FAM161A: variants seen among roughly 807,000 people sequenced by gnomAD.
FAM161A encodes the protein protein FAM161A.
A neutral mutation model predicts 70.9 loss-of-function variants in FAM161A; 57 were observed. That is an observed-to-expected ratio of 0.80 (90% CI 0.65 to 1.00). The LOEUF is 1.00. Among genes scored for constraint, FAM161A ranks in the 50% least tolerant of loss-of-function variants. The probability of loss-of-function intolerance (pLI) is 0.00; values close to 1 mark genes in which losing one functional copy is unlikely to be tolerated. For missense variants in FAM161A, 880 were observed against 836.0 expected, an observed-to-expected ratio of 1.05 and a Z score of -0.65; for synonymous variants, 299 against 295.7, an observed-to-expected ratio of 1.01 and a Z score of -0.12.
intron 4 of FAM161A, 55 bp from the exon 5 acceptor site, chr2:61,836,164 T>C: frequency 8.3e-7 from 1 of 1,210,998 alleles, no homozygotes; most frequent in South Asian, 1.3e-5. Flanking sequence ...AAATAAGAAC[T>C]TACATATGTA....
intron 3 of FAM161A, among the ~76,000 whole-genome samples, 159 bp downstream of exon 3, chr2:61,839,262 A>C (rs1472523552): frequency 7.0e-6 from 1 of 143,832 alleles, no homozygotes; most frequent in African/African-American, 2.5e-5. Flanking sequence ...ATTTCTTAGA[A>C]TACCCTCTGA....
chr2:61,809,967 CA>C, the FAM161A span, among the ~76,000 whole-genome samples: 1 of 152,154 alleles, frequency 6.6e-6, no homozygotes, highest in Non-Finnish European at 1.5e-5. Context: ...TAGTGTCTAC[CA>C]TCTACCATTG....
At chr2:61,831,851 G>A (rs1157365300) in intron 5 of FAM161A, among the ~76,000 whole-genome samples, 1 of 152,022 alleles carries the variant, frequency 6.6e-6, no homozygotes, top group Non-Finnish European at 1.5e-5. Context: ...GACAACCAAA[G>A]ATAATCTGAG....
chr2:61,835,668 A>G (rs1332539295), intron 5 of FAM161A: 1 of 196,112 alleles, frequency 5.1e-6, no homozygotes, highest in Non-Finnish European at 1.0e-5. Flanking sequence ...TATTTATCAA[A>G]CTTATGTGCT....
chr2:61,813,027 C>T, the FAM161A span, among the ~76,000 whole-genome samples: 1 of 151,998 alleles, frequency 6.6e-6, no homozygotes, highest in Non-Finnish European at 1.5e-5. Flanking sequence ...CATGCCACTG[C>T]ACTCCAGCCT....
chr2:61,818,853 A>G, the FAM161A span, among the ~76,000 whole-genome samples: 9 of 152,214 alleles, frequency 5.9e-5, no homozygotes, highest in African/African-American at 2.2e-4. Context: ...TATCCCCCTG[A>G]CACTACCCGG....
the FAM161A span, among the ~76,000 whole-genome samples, chr2:61,808,014 C>G: frequency 8.7e-4 from 132 of 152,112 alleles, no homozygotes; most frequent in Non-Finnish European, 1.5e-3. Context: ...GAACAGTGTC[C>G]TGGTCTGGGG....
At chr2:61,843,180 G>C (rs912912834) in intron 1 of FAM161A, among the ~76,000 whole-genome samples, 7 of 152,072 alleles carry the variant, frequency 4.6e-5, no homozygotes, top group African/African-American at 1.7e-4. Context: ...GTCTCACTCT[G>C]TCACTCAGGC....
At chr2:61,811,298 A>G in the FAM161A span, among the ~76,000 whole-genome samples, 3 of 152,180 alleles carry the variant, frequency 2.0e-5, no homozygotes, top group Non-Finnish European at 2.9e-5. Context: ...CCTAGGCTCA[A>G]GCAATCCTCC....
In FAM161A at chr2:61,839,845, T is replaced by G. The variant is rs1672937911; in HGVS notation, c.1159A>C (p.Arg387=). The G allele has an allele frequency of 1.2e-6, 2 of 1,614,226 alleles. No individual in the cohort carries two copies. The highest frequency in any genetic ancestry group is 4.5e-5 in the East Asian group (2 of 44,886). ...ELYRNLRTQL[R]AQEHLQNSSP... is the part of the protein sequence containing the mutation. ...GAGTTCTGTAAATGCTCCTGGGCTC[T>G]CAGCTGTGTCCTAAGGTTTCGATAG... Residue 387 remains arginine (R), a synonymous_variant, in exon 3 of 7, where the codon AGA becomes CGA. Transcript: ENST00000404929.
intron 5 of FAM161A, among the ~76,000 whole-genome samples, chr2:61,832,252 A>C (rs76477273): frequency 0.18 from 27,746 of 150,170 alleles, 3,462 homozygotes; most frequent in African/African-American, 0.28. Context: ...CACACACACA[A>C]AAAAAAACCA....
the FAM161A span, among the ~76,000 whole-genome samples, chr2:61,812,788 G>T: frequency 6.6e-6 from 1 of 151,908 alleles, no homozygotes; most frequent in African/African-American, 2.4e-5. Flanking sequence ...GAAGAATACT[G>T]GCCGGGCGCG....
At chr2:61,820,589 C>A (rs1672182808), downstream of FAM161A, 2 of 721,538 alleles carry the variant, frequency 2.8e-6, no homozygotes. Context: ...GTGAACACTG[C>A]TAGGTAACTG....
At position 61,832,980 on chromosome 2, in the gene FAM161A, G is replaced by A. The variant is rs566926121; in HGVS notation, c.1851+3030C>T. Among the ~76,000 whole-genome samples the A allele has an allele frequency of 9.2e-5, 14 of 152,228 alleles. No homozygotes were observed. In the East Asian group the frequency reaches 2.5e-3, roughly 27 times the overall value. On this transcript the variant is annotated intron_variant, in intron 5 of 6. Transcript: ENST00000404929. ...GGGAGGAAAGGAACTGATGAATTACGAATGTGTTTAACTGTTTGAGGGGGA... is the reference window on the plus strand; with the variant it reads ...GGGAGGAAAGGAACTGATGAATTACAAATGTGTTTAACTGTTTGAGGGGGA...
the FAM161A span, among the ~76,000 whole-genome samples, chr2:61,807,326 A>G: frequency 1.1e-4 from 17 of 151,812 alleles, no homozygotes; most frequent in African/African-American, 4.1e-4. Context: ...AAAAGAATAA[A>G]TCACAAAATA....
rs368796929 is a variant in FAM161A, at chr2:61,839,910, T to C, written c.1094A>G (p.Tyr365Cys). ...FKARPIPRSTYGSTTNDKLKE... is the reference protein window; with the variant it reads ...FKARPIPRSTCGSTTNDKLKE... Reference sequence around the variant, plus strand: ...TAACTTGTCATTGGTAGTTGAACCATAAGTAGATCGAGGAATGGGTCTGGC... The same window carrying C: ...TAACTTGTCATTGGTAGTTGAACCACAAGTAGATCGAGGAATGGGTCTGGC... Residue 365 changes from tyrosine to cysteine, a missense_variant, in exon 3 of 7, where the codon TAT becomes TGT. Transcript: ENST00000404929. 3.1e-6 allele frequency: 5 copies of C among 1,614,116 alleles called. No individual in the cohort carries two copies. The African/African-American group carries it at 6.7e-5, about 22-fold the overall frequency.
rs1310692319 is a variant in FAM161A, at chr2:61,835,920, A to C, written c.1851+90T>G. 4.6e-6 allele frequency: 4 copies of C among 870,570 alleles called. No individual in the cohort carries two copies. The East Asian group carries it at 9.7e-5, about 21-fold the overall frequency. The allele number at this position is 870,570 out of a possible 1,614,324, so 53.9% of individuals were successfully genotyped here. The stretch of plus-strand genomic sequence containing the variant: ...ATGTATCTCAACAGTTATATAACAC[A>C]TAAGAAAAATGGACTGTAAATTTAG... On this transcript the variant is annotated intron_variant, in intron 5 of 6. Transcript: ENST00000404929.
the FAM161A span, among the ~76,000 whole-genome samples, chr2:61,816,318 G>C: frequency 6.6e-6 from 1 of 152,082 alleles, no homozygotes; most frequent in Non-Finnish European, 1.5e-5. Flanking sequence ...TTAGCTCTCT[G>C]ACCTTGACTG....
the FAM161A span, among the ~76,000 whole-genome samples, chr2:61,808,026 C>T: frequency 6.6e-6 from 1 of 152,132 alleles, no homozygotes; most frequent in Non-Finnish European, 1.5e-5. Flanking sequence ...GGTCTGGGGT[C>T]CCCCAAAAGC....
Sources: gnomAD v4.1 joint callset for allele counts (sites outside exome capture counted in the v4.1 genomes callset) on GRCh38, gnomAD v4.1.1 for gene constraint, MANE v1.5 for transcripts, NCBI Gene and HGNC (gene_info 2026-07-23, HGNC 2026-07-21) for gene names.